TTN: variants seen among roughly 807,000 people sequenced by gnomAD.
TTN encodes the protein connectin.
A neutral mutation model predicts 3,223.0 loss-of-function variants in TTN; 1,525 were observed. That is an observed-to-expected ratio of 0.47 (90% CI 0.45 to 0.49). The LOEUF (loss-of-function observed/expected upper bound fraction) is 0.49. Among genes scored for constraint, TTN ranks in the 20% least tolerant of loss-of-function variants. The probability of loss-of-function intolerance (pLI) is 0.00; values close to 1 mark genes in which losing one functional copy is unlikely to be tolerated. For missense variants in TTN, 40,786 were observed against 43,424.0 expected (o/e 0.94, Z 5.40); for synonymous variants, 14,094 against 15,161.0 (o/e 0.93, Z 5.17).
chr2:178,796,792 C>T (rs897747385), intron 6 of TTN, among the ~76,000 whole-genome samples: 1 of 152,092 alleles, frequency 6.6e-6, no homozygotes, highest in African/African-American at 2.4e-5. Flanking sequence ...AAGCCCATAA[C>T]TGTGAAAATC....
At chr2:178,587,053 T>C (rs1483946644) in intron 307 of TTN, 65 bp downstream of exon 307, 1 of 1,577,290 alleles carries the variant, frequency 6.3e-7, no homozygotes, top group Non-Finnish European at 8.7e-7. Flanking sequence ...AAAATGGTAT[T>C]AGTATCTTGA....
At position 178,580,338 on chromosome 2, in the gene TTN, A is replaced by G; in HGVS notation, c.67041T>C (p.Ile22347=). ...TAGACTTACCAAGCACTTTCACAAC[A>G]ATGGTATATTCCTTTTTACCACAGC... is the stretch of plus-strand genomic sequence containing the variant. The part of the protein sequence containing the change: ...ENSCGKKEYT[I]VVKVLDTPGP... The change falls in exon 317 of 363, where the codon ATT becomes ATC. Residue 22347 remains isoleucine (I), a synonymous_variant. Coordinates refer to ENST00000589042, the MANE Select transcript of TTN (RefSeq NM_001267550.2). The G allele has an allele frequency of 6.2e-7, 1 of 1,612,894 alleles. No homozygotes were observed.
At chr2:178,798,834 C>T (rs1400909850) in intron 6 of TTN, 2 of 152,492 alleles carry the variant, frequency 1.3e-5, no homozygotes, top group African/African-American at 4.8e-5. Flanking sequence ...TACTTATTGC[C>T]CTAAATCAAA....
intron 47 of TTN, 37 bp from the exon 48 acceptor site, chr2:178,741,958 A>G (rs1178490385): frequency 1.5e-6 from 2 of 1,305,108 alleles, no homozygotes; most frequent in Admixed American, 6.8e-5. Flanking sequence ...TTACTATAAA[A>G]TTTTATTTAA....
chr2:178,773,526 T>C lies in TTN; in HGVS notation c.7530A>G (p.Ser2510=), dbSNP rs189187431. The change falls in exon 32 of 363, where the codon TCA becomes TCG. Residue 2510 remains serine, a synonymous_variant. Transcript: ENST00000589042. ...CTATCAGCTTGTAAGGTCCTTCGTC[T>C]GAAGCATGAGTTCGGTTAATGACTA... ...QRLVINRTHA[S]DEGPYKLIVG... is the part of the protein sequence containing the mutation. 7.0e-5 allele frequency: 113 copies of C among 1,614,096 alleles called. No homozygotes were observed. The East Asian group carries it at 1.3e-3, about 19-fold the overall frequency.
In TTN at chr2:178,714,365, A is replaced by G. The variant is rs749331163; in HGVS notation, c.26409T>C (p.Asn8803=). Residue 8803 remains asparagine (N), a synonymous_variant, in exon 91 of 363, where the codon AAT becomes AAC. Coordinates refer to ENST00000589042, the MANE Select transcript of TTN (RefSeq NM_001267550.2). ...TLQFSRVEPA[N]AGKYTCQIKN... ...TGATCTGACAAGTGTATTTTCCAGC[A>G]TTGGCTGGTTCCACTCTTGAAAACT... is the stretch of plus-strand genomic sequence containing the variant. 7 of 1,613,778 alleles carry G rather than the reference A, an allele frequency of 4.3e-6. No homozygotes were observed. Among genetic ancestry groups the G allele is most frequent in the Non-Finnish European group, 5.9e-6 (7 of 1,179,746 alleles).
At position 178,621,371 on chromosome 2, in the gene TTN, G is replaced by A; in HGVS notation, c.45350-3C>T. 1 of 1,607,742 alleles carries A rather than the reference G, an allele frequency of 6.2e-7. No individual in the cohort carries two copies. The highest frequency in any genetic ancestry group is 1.1e-5 in the South Asian group (1 of 89,706). On this transcript the variant is annotated splice_polypyrimidine_tract_variant and splice_region_variant and intron_variant, in intron 245 of 362. Transcript: ENST00000589042. ...TGAGATAAATTCAGCAGCCAGTTCT[G>A]GGAAGAAAAAGTTACAAGATATTAG...
chr2:178,666,427 G>T (rs2065942343), intron 163 of TTN, among the ~76,000 whole-genome samples: 1 of 152,072 alleles, frequency 6.6e-6, no homozygotes, highest in South Asian at 2.1e-4. Flanking sequence ...GCTTTAACTG[G>T]AATTATTTTT....
rs530190665 is a variant in TTN, at chr2:178,571,805, T to C, written c.74327A>G (p.Lys24776Arg). ...STENNSLLTIKDACREDVGHY... is the reference protein window; with the variant it reads ...STENNSLLTIRDACREDVGHY... ...GCCAACATCTTCTCGGCAGGCGTCC[T>C]TTATTGTCAGTAGTGAATTATTTTC... is the stretch of plus-strand genomic sequence containing the variant. Residue 24776 changes from lysine (K) to arginine (R), a missense_variant, in exon 326 of 363, where the codon AAG becomes AGG. Lys to Arg is a conservative substitution (Grantham distance 26, BLOSUM62 2). Coordinates refer to ENST00000589042, the MANE Select transcript of TTN (RefSeq NM_001267550.2). 12 of 1,613,538 alleles carry C rather than the reference T, an allele frequency of 7.4e-6. No homozygotes were observed. The East Asian group carries it at 1.3e-4, about 18-fold the overall frequency.
chr2:178,535,254 G>T lies in TTN; in HGVS notation c.101361C>A (p.Thr33787=), dbSNP rs779036451. The T allele has an allele frequency of 6.2e-7, 1 of 1,613,824 alleles. No homozygotes were observed. Among genetic ancestry groups the T allele is most frequent in the Non-Finnish European group, 8.5e-7 (1 of 1,179,824 alleles). Reference sequence around the variant, plus strand: ...CCTCTTCATCATAGTTCATAGCTCTGGTCTTATCTTCTTTGGTTATGGTTG... The same window carrying T: ...CCTCTTCATCATAGTTCATAGCTCTTGTCTTATCTTCTTTGGTTATGGTTG... ...SEPTITKEDK[T]RAMNYDEEVD... The change falls in exon 358 of 363, where the codon ACC becomes ACA. Residue 33787 remains threonine, a synonymous_variant. Coordinates refer to ENST00000589042, the MANE Select transcript of TTN (RefSeq NM_001267550.2).
chr2:178,750,818 T>G (rs766804823), intron 47 of TTN: 1 of 1,613,222 alleles, frequency 6.2e-7, no homozygotes, highest in Non-Finnish European at 8.5e-7. Flanking sequence ...TACTTCCTCC[T>G]TCTCACATAC....
chr2:178,679,461 A>C, intron 141 of TTN, 45 bp from the exon 142 acceptor site: 1 of 1,601,896 alleles, frequency 6.2e-7, no homozygotes, highest in Non-Finnish European at 8.5e-7. Context: ...ACTAGTAACA[A>C]CACATCCATA....
rs757317072 is a variant in TTN at position 178,572,841 on chromosome 2, C to T, written c.73291G>A (p.Asp24431Asn). The T allele has an allele frequency of 3.7e-6, 6 of 1,613,426 alleles. No individual in the cohort carries two copies. In the East Asian group the frequency reaches 8.9e-5, roughly 24 times the overall value. The stretch of plus-strand genomic sequence containing the variant: ...GTAACAACTTTGCGCAGGTCAGCAT[C>T]CAGTTCAATTTCTGGAGGCAGCATT... The part of the protein sequence containing the change: ...DRMLPPEIEL[D>N]ADLRKVVTIR... The change falls in exon 326 of 363, where the codon GAT becomes AAT. Residue 24431 changes from aspartate to asparagine, a missense_variant. Asp to Asn is a conservative substitution (Grantham distance 23). Coordinates refer to ENST00000589042, the MANE Select transcript of TTN (RefSeq NM_001267550.2).
intron 153 of TTN, 76 bp from the exon 154 acceptor site, chr2:178,672,557 A>G: frequency 6.2e-7 from 1 of 1,600,232 alleles, no homozygotes; most frequent in Non-Finnish European, 8.6e-7. Flanking sequence ...AAAACAATCA[A>G]GACACAGAGA....
intron 47 of TTN, chr2:178,749,202 C>A (rs751713874): frequency 4.3e-6 from 7 of 1,610,808 alleles, no homozygotes; most frequent in Non-Finnish European, 5.9e-6. Flanking sequence ...CCAAGTTTTC[C>A]AAAATTATTT....
chr2:178,613,380 T>A, intron 263 of TTN, 104 bp from the exon 264 acceptor site: 1 of 997,260 alleles, frequency 1.0e-6, no homozygotes, highest in Non-Finnish European at 1.5e-6. Flanking sequence ...TGTGAAAAGG[T>A]GATTTGGAAA....
In TTN at chr2:178,533,804, C is replaced by A. The variant is rs794727542; in HGVS notation, c.102811G>T (p.Val34271Leu). The A allele has an allele frequency of 1.9e-6, 3 of 1,613,992 alleles. No homozygotes were observed. Among genetic ancestry groups the A allele is most frequent in the Non-Finnish European group, 2.5e-6 (3 of 1,179,864 alleles). Residue 34271 changes from valine to leucine, a missense_variant, in exon 358 of 363, where the codon GTA (valine) becomes TTA (leucine). By Grantham distance (32) the Val-to-Leu change is conservative (BLOSUM62 1). Coordinates refer to ENST00000589042, the MANE Select transcript of TTN (RefSeq NM_001267550.2). ...ACTCCAAACCGGACATTTTCACCTA[C>A]ATAAGCTGTCTTATTATAGAGAGGC... ...TLPLYNKTAY[V>L]GENVRFGVTI...
At chr2:178,711,709 A>C (rs1577837594) in intron 96 of TTN, among the ~76,000 whole-genome samples, 3 of 152,330 alleles carry the variant, frequency 2.0e-5, no homozygotes, top group South Asian at 2.1e-4. Flanking sequence ...TCACTTTTTA[A>C]AAAAGATTTA....
chr2:178,527,540 G>A lies in TTN; in HGVS notation c.107586C>T (p.Ser35862=). 6.2e-7 allele frequency: 1 copy of A among 1,614,010 alleles called. No individual in the cohort carries two copies. The highest frequency in any genetic ancestry group is 8.5e-7 in the Non-Finnish European group (1 of 1,179,886). The change falls in exon 362 of 363, where the codon TCC becomes TCT. Residue 35862 remains serine (S), a synonymous_variant. Coordinates refer to ENST00000589042, the MANE Select transcript of TTN (RefSeq NM_001267550.2). Reference sequence around the variant, plus strand: ...AGCTGCTGGAACTCATTTCTACAAAGGACTCTTGCATGGAGGACATGCTTT... The same window carrying A: ...AGCTGCTGGAACTCATTTCTACAAAAGACTCTTGCATGGAGGACATGCTTT... The part of the protein sequence containing the change: ...SAQSMSSMQE[S]FVEMSSSSFM...
Sources: allele counts gnomAD v4.1 joint callset (sites outside exome capture counted in the v4.1 genomes callset), GRCh38; gene constraint gnomAD v4.1.1; transcripts MANE v1.5; gene names NCBI Gene and HGNC (gene_info 2026-07-23, HGNC 2026-07-21).